Variants in SOX5 observed in about 807,000 individuals in gnomAD.
SOX5 encodes the protein SRY-box transcription factor 5.
Under a neutral mutation model 92.0 loss-of-function variants are expected in SOX5, and 9 were observed. The observed-to-expected ratio is 0.10, with a 90% CI of 0.06 to 0.17. The LOEUF (loss-of-function observed/expected upper bound fraction) is 0.17. SOX5 is among the 10% of genes least tolerant of loss of function. SOX5 has a pLI of 1.00. For missense variants in SOX5, 642 were observed against 944.5 expected (o/e 0.68, Z 4.20); for synonymous variants, 344 against 336.3 (o/e 1.02, Z -0.25).
At chr12:23,633,939 C>T (rs1241548414) in intron 8 of SOX5, among the ~76,000 whole-genome samples, 2 of 151,940 alleles carry the variant, frequency 1.3e-5, no homozygotes, top group Non-Finnish European at 2.9e-5. Context: ...TGCAGCAACC[C>T]ACTGTTATGG....
At chr12:23,828,456 C>A in intron 3 of SOX5, among the ~76,000 whole-genome samples, 1 of 152,220 alleles carries the variant, frequency 6.6e-6, no homozygotes, top group East Asian at 1.9e-4. Flanking sequence ...TGGGAATAAA[C>A]TGCACAAACT....
At chr12:24,321,188 A>C (rs544976760) in intron 2 of SOX5, among the ~76,000 whole-genome samples, 1 of 152,218 alleles carries the variant, frequency 6.6e-6, no homozygotes, top group South Asian at 2.1e-4. Context: ...TATGGATTAA[A>C]AATGTCTAAG....
In SOX5 at chr12:23,662,307, A is replaced by C. The variant is rs563929991; in HGVS notation, c.931+3137T>G. On this transcript the variant is annotated intron_variant, in intron 7 of 14. Transcript: ENST00000451604. ...AGATATGGATCCATGCAGTGGTTTC[A>C]TGTGTAATTCCATTCATACCGAATG... is the stretch of plus-strand genomic sequence containing the variant. Among the ~76,000 whole-genome samples, 12 of 152,278 alleles carry C rather than the reference A, an allele frequency of 7.9e-5. No individual in the cohort carries two copies. The South Asian group carries it at 2.3e-3, about 29-fold the overall frequency.
chr12:23,726,118 CGAGAGAGAGAGAGAGAGAGAGAGA>C lies in SOX5; in HGVS notation c.810+8542_810+8565del, dbSNP rs60575337. Among the ~76,000 whole-genome samples the C allele has an allele frequency of 5.3e-4, 65 of 123,744 alleles. 1 individual carries two copies. The highest frequency in any genetic ancestry group is 1.6e-3 in the African/African-American group (50 of 31,498). The allele number at this position is 123,744 out of a possible 152,430, so 81.2% of individuals were successfully genotyped here. ...TAATGGTGTTAAATACATACATCCCCGAGAGAGAGAGAGAGAGAGAGAGAGAGAGAGAGAGAGAGAGAGAGAGAG... is the reference window on the plus strand; with the variant it reads ...TAATGGTGTTAAATACATACATCCCCGAGAGAGAGAGAGAGAGAGAGAGAG... On this transcript the variant is annotated intron_variant, in intron 6 of 14. Coordinates refer to ENST00000451604, the MANE Select transcript of SOX5 (RefSeq NM_006940.6).
chr12:23,860,993 AAAT>A (rs1439271883), intron 2 of SOX5, among the ~76,000 whole-genome samples: 1 of 147,280 alleles, frequency 6.8e-6, no homozygotes, highest in African/African-American at 2.5e-5. Context: ...GCCAACATAG[AAAT>A]AATAATGAGC....
chr12:23,988,220 A>G (rs1238153584), intron 4 of SOX5, among the ~76,000 whole-genome samples: 3 of 152,168 alleles, frequency 2.0e-5, no homozygotes, highest in East Asian at 1.9e-4. Flanking sequence ...GAAGAGTTCT[A>G]TTTTGGCCAT....
intron 1 of SOX5, among the ~76,000 whole-genome samples, chr12:23,948,009 CTG>C (rs1167631069): frequency 1.3e-5 from 2 of 152,014 alleles, no homozygotes; most frequent in East Asian, 1.9e-4. Context: ...GAAAACTTAA[CTG>C]TGTTAAATTA....
At chr12:23,928,684 T>C (rs1471012062) in intron 1 of SOX5, among the ~76,000 whole-genome samples, 3 of 151,962 alleles carry the variant, frequency 2.0e-5, no homozygotes, top group Non-Finnish European at 4.4e-5. Flanking sequence ...AGGAAATTAA[T>C]GTTGCTTGCT....
chr12:24,238,353 G>T (rs1385005239), intron 3 of SOX5, among the ~76,000 whole-genome samples: 1 of 152,114 alleles, frequency 6.6e-6, no homozygotes, highest in Non-Finnish European at 1.5e-5. Context: ...CACTTCACAA[G>T]AGTAGTTTTT....
chr12:23,985,838 C>T (rs1202214449), intron 4 of SOX5, among the ~76,000 whole-genome samples: 1 of 152,010 alleles, frequency 6.6e-6, no homozygotes, highest in East Asian at 1.9e-4. Flanking sequence ...GGGTTGTATT[C>T]TTTTCTGGAA....
intron 2 of SOX5, among the ~76,000 whole-genome samples, chr12:24,353,978 G>A (rs991439199): frequency 4.6e-5 from 7 of 152,160 alleles, no homozygotes; most frequent in Admixed American, 1.3e-4. Context: ...AACCTACTAT[G>A]TACTACTGTT....
intron 1 of SOX5, among the ~76,000 whole-genome samples, chr12:23,928,135 G>C (rs1395688578): frequency 6.6e-6 from 1 of 152,034 alleles, no homozygotes; most frequent in East Asian, 1.9e-4. Flanking sequence ...AACAAAACCT[G>C]AAGGGAAGCC....
At chr12:23,658,719 C>T (rs2082639247) in intron 7 of SOX5, among the ~76,000 whole-genome samples, 1 of 151,994 alleles carries the variant, frequency 6.6e-6, no homozygotes, top group Admixed American at 6.6e-5. Context: ...GGTGAAACCC[C>T]ATGTCTGCTA....
At chr12:24,071,791 G>A (rs887264330) in intron 4 of SOX5, among the ~76,000 whole-genome samples, 1 of 152,126 alleles carries the variant, frequency 6.6e-6, no homozygotes, top group Non-Finnish European at 1.5e-5. Flanking sequence ...TAAATACGTG[G>A]CAAATCACAG....
intron 4 of SOX5, among the ~76,000 whole-genome samples, chr12:24,006,081 T>C (rs1166702880): frequency 1.3e-5 from 2 of 152,178 alleles, no homozygotes; most frequent in African/African-American, 4.8e-5. Flanking sequence ...TCAAAGGCTT[T>C]TGTAATAATC....
At chr12:24,362,537 A>G (rs1955697541) in intron 2 of SOX5, among the ~76,000 whole-genome samples, 1 of 152,224 alleles carries the variant, frequency 6.6e-6, no homozygotes, top group South Asian at 2.1e-4. Flanking sequence ...CACTCAGCCT[A>G]TAAAATGGAC....
At chr12:23,801,411 A>C (rs1179647490) in intron 3 of SOX5, among the ~76,000 whole-genome samples, 1 of 152,154 alleles carries the variant, frequency 6.6e-6, no homozygotes, top group African/African-American at 2.4e-5. Flanking sequence ...GGCAATCAAA[A>C]GATGGTAATA....
intron 1 of SOX5, among the ~76,000 whole-genome samples, chr12:24,387,428 C>T (rs1326062947): frequency 1.3e-5 from 2 of 152,112 alleles, no homozygotes; most frequent in Non-Finnish European, 2.9e-5. Context: ...GACAATTCTT[C>T]GTTTTCCAGT....
intron 1 of SOX5, among the ~76,000 whole-genome samples, chr12:24,385,787 C>T (rs1345739413): frequency 6.6e-6 from 1 of 151,864 alleles, no homozygotes; most frequent in Non-Finnish European, 1.5e-5. Flanking sequence ...AAAGAATTAG[C>T]TGGTCATGGT....
Sources: allele counts gnomAD v4.1 joint callset (sites outside exome capture counted in the v4.1 genomes callset), GRCh38; gene constraint gnomAD v4.1.1; transcripts MANE v1.5; gene names NCBI Gene and HGNC (gene_info 2026-07-23, HGNC 2026-07-21).